PPARG: variants seen among roughly 807,000 people sequenced by gnomAD.
PPARG encodes the protein peroxisome proliferator activated receptor gamma.
Under a neutral mutation model 39.2 loss-of-function variants are expected in PPARG, and 17 were observed. The observed-to-expected ratio is 0.43, with a 90% CI of 0.30 to 0.65. The LOEUF is 0.65. PPARG is among the 30% of genes least tolerant of loss of function. PPARG has a pLI of 0.13. For synonymous variants in PPARG, 223 were observed against 215.7 expected (o/e 1.03, Z -0.30); for missense variants, 406 against 585.9 (o/e 0.69, Z 3.17).
intron 2 of PPARG, among the ~76,000 whole-genome samples, chr3:12,370,671 C>T (rs968457746): frequency 5.3e-5 from 8 of 152,184 alleles, no homozygotes; most frequent in African/African-American, 1.9e-4. Context: ...TTCTCGTGAA[C>T]ATTAGCCTGT....
rs149188678 is a variant in PPARG at position 12,394,973 on chromosome 3, A to G, written c.529+2221A>G. Among the ~76,000 whole-genome samples, 44 of 152,310 alleles carry G rather than the reference A, an allele frequency of 2.9e-4. No individual in the cohort carries two copies. In the East Asian group the frequency reaches 7.5e-3, roughly 26 times the overall value. On this transcript the variant is annotated intron_variant, in intron 5 of 7. Transcript: ENST00000651735. Reference sequence around the variant, plus strand: ...ACGTCCCCCAAAGCAAATGTACTCCATTCCGTGTTAACCTTATTTCTGCTC... The same window carrying G: ...ACGTCCCCCAAAGCAAATGTACTCCGTTCCGTGTTAACCTTATTTCTGCTC...
At chr3:12,354,365 T>C (rs1360920379) in intron 2 of PPARG, among the ~76,000 whole-genome samples, 1 of 152,104 alleles carries the variant, frequency 6.6e-6, no homozygotes, top group African/African-American at 2.4e-5. Context: ...ACAATACTTG[T>C]GCAAGTAGAT....
In PPARG at chr3:12,308,213, G is replaced by A. The variant is rs187521913; in HGVS notation, c.-82-4167G>A. On this transcript the variant is annotated intron_variant, in intron 1 of 7. Coordinates refer to ENST00000651735, the MANE Select transcript of PPARG (RefSeq NM_138711.6). ...TGAAAAATTAGCCAGGTGTGATGGC[G>A]CACACATGTAGTCCCAGCTACTTGG... Among the ~76,000 whole-genome samples the A allele has an allele frequency of 4.0e-5, 6 of 151,870 alleles. No homozygotes were observed. In the South Asian group the frequency reaches 6.3e-4, roughly 16 times the overall value.
chr3:12,365,867 A>G (rs6766920), intron 2 of PPARG, among the ~76,000 whole-genome samples: 16,584 of 152,106 alleles, frequency 0.11, 2,969 homozygotes, highest in African/African-American at 0.37. Context: ...CTTCTTTAAT[A>G]TTGAGTTGGC....
intron 3 of PPARG, 147 bp downstream of exon 3, chr3:12,380,078 A>G (rs1559515794): frequency 2.4e-6 from 2 of 835,528 alleles, no homozygotes; most frequent in Non-Finnish European, 3.9e-6. Flanking sequence ...TATCCATGAA[A>G]TATTAGGTAT....
intron 1 of PPARG, among the ~76,000 whole-genome samples, chr3:12,303,349 A>T (rs887666478): frequency 4.6e-5 from 7 of 152,186 alleles, no homozygotes; most frequent in African/African-American, 1.7e-4. Flanking sequence ...GGCATGCACC[A>T]CCACACCCGG....
intron 6 of PPARG, among the ~76,000 whole-genome samples, chr3:12,408,989 C>T (rs190156231): frequency 7.9e-5 from 12 of 152,258 alleles, no homozygotes; most frequent in Middle Eastern, 6.8e-3. Flanking sequence ...TAAGGAGGTT[C>T]TTTATGGAAT....
intron 2 of PPARG, chr3:12,351,323 T>C (rs2048480081): frequency 3.7e-6 from 2 of 546,292 alleles, no homozygotes; most frequent in Non-Finnish European, 6.6e-6. Context: ...ATTTTCCCTG[T>C]AATGTACCAA....
At chr3:12,381,602 G>A (rs1292806208) in intron 4 of PPARG, 111 bp downstream of exon 4, 3 of 1,149,942 alleles carry the variant, frequency 2.6e-6, no homozygotes, top group African/African-American at 3.1e-5. Flanking sequence ...TCATGGAAGA[G>A]TATCTTGCTC....
At chr3:12,334,334 A>G (rs562112991) in intron 2 of PPARG, among the ~76,000 whole-genome samples, 1 of 151,450 alleles carries the variant, frequency 6.6e-6, no homozygotes, top group Non-Finnish European at 1.5e-5. Context: ...GGGTTCAAAC[A>G]ATTCTCGTGC....
chr3:12,397,383 T>C (rs1271808286), intron 5 of PPARG, among the ~76,000 whole-genome samples: 1 of 70,524 alleles, frequency 1.4e-5, no homozygotes, highest in Admixed American at 1.8e-4. Flanking sequence ...TCCTTTTTAT[T>C]ATTATTATTA....
chr3:12,357,912 A>G (rs565343443), intron 2 of PPARG, among the ~76,000 whole-genome samples: 33 of 152,218 alleles, frequency 2.2e-4, no homozygotes, highest in Admixed American at 4.6e-4. Context: ...CAAACACATA[A>G]TAAGTATAAT....
intron 4 of PPARG, among the ~76,000 whole-genome samples, chr3:12,390,546 A>G (rs977416163): frequency 8.9e-6 from 1 of 112,888 alleles, no homozygotes; most frequent in Non-Finnish European, 2.0e-5. Flanking sequence ...TACATATAGT[A>G]TAATACCATT....
chr3:12,308,682 T>C (rs146157824), intron 1 of PPARG, among the ~76,000 whole-genome samples: 30 of 152,342 alleles, frequency 2.0e-4, no homozygotes, highest in Admixed American at 9.2e-4. Flanking sequence ...TTTGTGCTGC[T>C]TTTAAATCAG....
intron 7 of PPARG, among the ~76,000 whole-genome samples, chr3:12,426,729 A>G (rs2051462105): frequency 1.3e-5 from 2 of 152,248 alleles, no homozygotes; most frequent in African/African-American, 4.8e-5. Flanking sequence ...TTTACTGTAC[A>G]ACAGACACTG....
At chr3:12,298,402 G>GACACAC (rs561853093) in intron 1 of PPARG, among the ~76,000 whole-genome samples, 24 of 140,316 alleles carry the variant, frequency 1.7e-4, no homozygotes, top group Admixed American at 6.6e-4. Context: ...TATATGTATA[G>GACACAC]ACACACACAC....
intron 2 of PPARG, among the ~76,000 whole-genome samples, chr3:12,323,757 G>T (rs377123490): frequency 2.9e-4 from 42 of 146,106 alleles, no homozygotes; most frequent in African/African-American, 9.0e-4. Flanking sequence ...AGGTCAAGAA[G>T]AATAAAAAAA....
intron 7 of PPARG, among the ~76,000 whole-genome samples, chr3:12,422,205 C>G (rs1467215346): frequency 4.6e-5 from 7 of 152,196 alleles, no homozygotes; most frequent in Non-Finnish European, 1.0e-4. Flanking sequence ...GATTATAATA[C>G]TGCCTACCAT....
At chr3:12,378,915 C>T (rs2049517663) in intron 2 of PPARG, among the ~76,000 whole-genome samples, 1 of 152,174 alleles carries the variant, frequency 6.6e-6, no homozygotes, top group African/African-American at 2.4e-5. Flanking sequence ...TTATGATAAT[C>T]ATTTCATAGT....
Sources: gnomAD v4.1 joint callset for allele counts (sites outside exome capture counted in the v4.1 genomes callset) on GRCh38, gnomAD v4.1.1 for gene constraint, MANE v1.5 for transcripts, NCBI Gene and HGNC (gene_info 2026-07-23, HGNC 2026-07-21) for gene names.